PRSS23: variants seen among roughly 807,000 people sequenced by gnomAD.
PRSS23 encodes serine protease 23.
A neutral mutation model predicts 34.7 loss-of-function variants in PRSS23; 25 were observed. That is an observed-to-expected ratio of 0.72 (90% confidence interval 0.53 to 1.01). The LOEUF (loss-of-function observed/expected upper bound fraction) is 1.01. Ranked by LOEUF, PRSS23 falls within the 50% of genes least tolerant of loss-of-function variation. The pLI, the probability that PRSS23 is intolerant of heterozygous loss-of-function variation, is 0.00. For missense variants in PRSS23, 445 were observed against 475.6 expected, an observed-to-expected ratio of 0.94 and a Z score of 0.60; for synonymous variants, 176 against 186.6, an observed-to-expected ratio of 0.94 and a Z score of 0.46.
intron 2 of PRSS23, chr11:86,836,990 T>A (rs1227439627): frequency 1.3e-5 from 2 of 152,266 alleles, no homozygotes; most frequent in African/African-American, 2.4e-5. Context: ...TCAATTTTTT[T>A]ATAATTCTTT....
At chr11:86,825,057 T>C (rs1312840448) in intron 2 of PRSS23, among the ~76,000 whole-genome samples, 4 of 152,136 alleles carry the variant, frequency 2.6e-5, no homozygotes, top group East Asian at 1.9e-4. Context: ...ATCGCCACAC[T>C]GTCTTCCACA....
At chr11:86,903,481 CTTTT>C (rs10688682) in intron 2 of PRSS23, among the ~76,000 whole-genome samples, 3 of 124,940 alleles carry the variant, frequency 2.4e-5, no homozygotes, top group Admixed American at 1.7e-4. Flanking sequence ...AACATACAAT[CTTTT>C]TTTTTTTTTT....
At chr11:86,930,627 T>A (rs929019409) in intron 2 of PRSS23, among the ~76,000 whole-genome samples, 1 of 151,892 alleles carries the variant, frequency 6.6e-6, no homozygotes, top group Non-Finnish European at 1.5e-5. Context: ...CCGTCTCTAC[T>A]AAAAATACAA....
At chr11:86,939,411 T>A (rs866164307) in intron 2 of PRSS23, among the ~76,000 whole-genome samples, 62 of 79,408 alleles carry the variant, frequency 7.8e-4, no homozygotes, top group African/African-American at 1.8e-3. Context: ...AAAATATATA[T>A]ATATATATAT....
At chr11:86,819,566 A>G (rs896921594) in intron 1 of PRSS23, among the ~76,000 whole-genome samples, 3 of 152,124 alleles carry the variant, frequency 2.0e-5, no homozygotes, top group African/African-American at 7.2e-5. Flanking sequence ...TTCTTAAGAG[A>G]TAGTGGGGGT....
At chr11:86,850,767 C>A (rs1948523091) in intron 2 of PRSS23, among the ~76,000 whole-genome samples, 2 of 152,200 alleles carry the variant, frequency 1.3e-5, no homozygotes, top group Non-Finnish European at 2.9e-5. Flanking sequence ...CTGTAAGATC[C>A]TGTCTCCTTT....
chr11:86,901,407 T>G (rs1306909911), intron 2 of PRSS23, among the ~76,000 whole-genome samples: 1 of 152,248 alleles, frequency 6.6e-6, no homozygotes, highest in East Asian at 1.9e-4. Flanking sequence ...CTGTCGGAAC[T>G]GAAAGAGTAG....
intron 2 of PRSS23, among the ~76,000 whole-genome samples, chr11:86,882,444 CA>C (rs1948777841): frequency 6.6e-6 from 1 of 152,134 alleles, no homozygotes; most frequent in Non-Finnish European, 1.5e-5. Flanking sequence ...CACTTGTAAG[CA>C]AAAACATGTG....
At chr11:86,801,508 G>C (rs1369980271) in intron 1 of PRSS23, among the ~76,000 whole-genome samples, 1 of 152,168 alleles carries the variant, frequency 6.6e-6, no homozygotes, top group Non-Finnish European at 1.5e-5. Flanking sequence ...AATAGGGCTT[G>C]CTTCTCTCAG....
At chr11:86,839,762 A>G (rs890903292) in intron 2 of PRSS23, among the ~76,000 whole-genome samples, 1 of 151,410 alleles carries the variant, frequency 6.6e-6, no homozygotes, top group Non-Finnish European at 1.5e-5. Context: ...CTTGGCAGAA[A>G]CCCTACAAGC....
At chr11:86,889,957 T>G (rs1343628642) in intron 2 of PRSS23, among the ~76,000 whole-genome samples, 1 of 152,134 alleles carries the variant, frequency 6.6e-6, no homozygotes, top group Non-Finnish European at 1.5e-5. Context: ...GACCTGGAAA[T>G]CCTCTATTTT....
At chr11:86,931,442 A>G (rs1039487915) in intron 2 of PRSS23, among the ~76,000 whole-genome samples, 1 of 152,176 alleles carries the variant, frequency 6.6e-6, no homozygotes, top group Non-Finnish European at 1.5e-5. Flanking sequence ...CACACACAAC[A>G]TGAATGAGTC....
intron 1 of PRSS23, among the ~76,000 whole-genome samples, chr11:86,791,400 G>A (rs962707123): frequency 6.6e-6 from 1 of 152,186 alleles, no homozygotes; most frequent in African/African-American, 2.4e-5. Flanking sequence ...GTGATCCTGT[G>A]TTTGAAATAA....
chr11:86,840,871 A>G (rs1188941282), intron 2 of PRSS23, among the ~76,000 whole-genome samples: 3 of 111,926 alleles, frequency 2.7e-5, no homozygotes, highest in Admixed American at 1.9e-4. Flanking sequence ...CTGGGTAAAT[A>G]GCAAAATGAT....
At chr11:86,942,128 G>A (rs1949210897) in intron 2 of PRSS23, among the ~76,000 whole-genome samples, 1 of 152,182 alleles carries the variant, frequency 6.6e-6, no homozygotes, top group African/African-American at 2.4e-5. Flanking sequence ...TGCAAGGAAG[G>A]CTCCCAGAGT....
At chr11:86,859,627 C>T (rs1014815083) in intron 2 of PRSS23, among the ~76,000 whole-genome samples, 2 of 151,880 alleles carry the variant, frequency 1.3e-5, no homozygotes, top group Admixed American at 6.6e-5. Context: ...TGGGTATACA[C>T]CACCTTTGTA....
chr11:86,948,771 T>C (rs1030732443), intron 2 of PRSS23: 1 of 152,440 alleles, frequency 6.6e-6, no homozygotes, highest in African/African-American at 2.4e-5. Context: ...GGCTTTCTGC[T>C]AGATGCTGCC....
At chr11:86,929,929 G>A (rs888809768) in intron 2 of PRSS23, among the ~76,000 whole-genome samples, 14 of 152,018 alleles carry the variant, frequency 9.2e-5, no homozygotes, top group African/African-American at 2.9e-4. Context: ...AACAAGGTGC[G>A]GAACAGTGTG....
chr11:86,812,799 A>AAAAAAG (rs1205478697), downstream of PRSS23, among the ~76,000 whole-genome samples: 21 of 150,940 alleles, frequency 1.4e-4, no homozygotes, highest in African/African-American at 4.9e-4. Flanking sequence ...AAAAAAAAAA[A>AAAAAAG]AAAAAGAAAA....
Sources: gnomAD v4.1 joint callset for allele counts (sites outside exome capture counted in the v4.1 genomes callset) on GRCh38, gnomAD v4.1.1 for gene constraint, MANE v1.5 for transcripts, NCBI Gene and HGNC (gene_info 2026-07-23, HGNC 2026-07-21) for gene names.